MACROD2: variants seen among roughly 807,000 people sequenced by gnomAD.
MACROD2 encodes ADP-ribose glycohydrolase MACROD2.
Under a neutral mutation model 70.4 loss-of-function variants are expected in MACROD2, and 36 were observed. The ratio of observed to expected loss-of-function variants is 0.51; its 90% confidence interval spans 0.39 to 0.68. MACROD2 has a LOEUF of 0.68. MACROD2 is among the 30% of genes least tolerant of loss of function. The pLI, the probability that MACROD2 is intolerant of heterozygous loss-of-function variation, is 0.00. For synonymous variants in MACROD2, 172 were observed against 178.8 expected (o/e 0.96, Z 0.30); for missense variants, 496 against 538.4 (o/e 0.92, Z 0.78).
At chr20:15,998,269 A>G (rs1287205825) in intron 15 of MACROD2, among the ~76,000 whole-genome samples, 1 of 152,192 alleles carries the variant, frequency 6.6e-6, no homozygotes, top group African/African-American at 2.4e-5. Context: ...ATTCTTCTTT[A>G]AATGTTTGGT....
At chr20:16,005,260 C>T (rs1185077054) in intron 15 of MACROD2, among the ~76,000 whole-genome samples, 1 of 152,176 alleles carries the variant, frequency 6.6e-6, no homozygotes, top group Non-Finnish European at 1.5e-5. Flanking sequence ...TTTAGCAGCC[C>T]TTATCTGATT....
chr20:14,197,489 C>A (rs999619255), intron 3 of MACROD2, among the ~76,000 whole-genome samples: 1 of 152,228 alleles, frequency 6.6e-6, no homozygotes, highest in African/African-American at 2.4e-5. Flanking sequence ...GTAAAAGAAA[C>A]TGGCATGGTT....
chr20:14,345,678 C>A (rs780288447), intron 3 of MACROD2, among the ~76,000 whole-genome samples: 1 of 152,006 alleles, frequency 6.6e-6, no homozygotes, highest in Admixed American at 6.6e-5. Context: ...GATCTGCCAG[C>A]GTTGGCCTCC....
chr20:14,292,580 G>T (rs1280160089), intron 3 of MACROD2, among the ~76,000 whole-genome samples: 1 of 151,908 alleles, frequency 6.6e-6, no homozygotes, highest in African/African-American at 2.4e-5. Flanking sequence ...CCATTCTTAA[G>T]TATTGACCAG....
chr20:14,077,231 C>T (rs915930526), intron 2 of MACROD2, among the ~76,000 whole-genome samples: 2 of 152,098 alleles, frequency 1.3e-5, no homozygotes, highest in Admixed American at 6.6e-5. Flanking sequence ...GACTGAAATA[C>T]TAATGCTAAA....
At chr20:15,093,781 C>G (rs1007210913) in intron 5 of MACROD2, among the ~76,000 whole-genome samples, 1 of 152,072 alleles carries the variant, frequency 6.6e-6, no homozygotes, top group Admixed American at 6.5e-5. Context: ...CCACAGAACC[C>G]CTTTTGTGTG....
At chr20:14,267,668 A>T (rs1215665736) in intron 3 of MACROD2, among the ~76,000 whole-genome samples, 1 of 152,014 alleles carries the variant, frequency 6.6e-6, no homozygotes, top group Admixed American at 6.6e-5. Context: ...CCATGTGTCT[A>T]CTCTCATTTC....
Position 14,076,667 on chromosome 20 carries a change from A to G in MACROD2, c.164-8954A>G, listed in dbSNP as rs963252093. On this transcript the variant is annotated intron_variant, in intron 2 of 17. Coordinates refer to ENST00000684519, the MANE Select transcript of MACROD2 (RefSeq NM_001351661.2). The stretch of plus-strand genomic sequence containing the variant: ...GCACTCCAGCTTGGGTGACAGAGCG[A>G]GACCTTGCCCCCTCACCTTCCACCC... Among the ~76,000 whole-genome samples the G allele has an allele frequency of 7.9e-5, 12 of 152,248 alleles. 1 individual carries two copies. In the East Asian group the frequency reaches 2.3e-3, roughly 29 times the overall value.
chr20:14,418,848 C>G lies in MACROD2; in HGVS notation c.272-74631C>G, dbSNP rs2225681. ...GTGAGGTCCAACTTTCATTTTGATT[C>G]CATTATTTATTTGAACGCTCCCTTC... On this transcript the variant is annotated intron_variant, in intron 3 of 17. Transcript: ENST00000684519. 4.6e-3 allele frequency among the ~76,000 whole-genome samples: 707 copies of G among 152,202 alleles called. 18 individuals carry two copies. Among genetic ancestry groups the G allele is most frequent in the Admixed American group, 0.041 (630 of 15,278 alleles).
At chr20:14,716,926 T>C (rs2071403321) in intron 5 of MACROD2, among the ~76,000 whole-genome samples, 1 of 152,208 alleles carries the variant, frequency 6.6e-6, no homozygotes, top group South Asian at 2.1e-4. Context: ...CCTTTTCATT[T>C]TGCTTTCTGA....
intron 5 of MACROD2, among the ~76,000 whole-genome samples, chr20:14,721,812 C>A (rs1039056967): frequency 1.3e-5 from 2 of 152,180 alleles, no homozygotes; most frequent in African/African-American, 4.8e-5. Context: ...ACAATTTCAA[C>A]CAAGATAGGC....
At chr20:14,678,080 G>A (rs562265781) in intron 4 of MACROD2, among the ~76,000 whole-genome samples, 1 of 152,264 alleles carries the variant, frequency 6.6e-6, no homozygotes, top group Non-Finnish European at 1.5e-5. Flanking sequence ...GGAAGTGGGA[G>A]TGGAGCTGTG....
intron 5 of MACROD2, among the ~76,000 whole-genome samples, chr20:15,018,872 A>G (rs1311059803): frequency 2.0e-5 from 3 of 152,188 alleles, no homozygotes; most frequent in Admixed American, 1.3e-4. Context: ...CTCAGTATTA[A>G]CCATCACACC....
chr20:14,572,301 A>G (rs2123321759), intron 4 of MACROD2, among the ~76,000 whole-genome samples: 1 of 152,238 alleles, frequency 6.6e-6, no homozygotes, highest in African/African-American at 2.4e-5. Context: ...TACAGCCTGG[A>G]GCAATTAGGA....
Position 15,375,092 on chromosome 20 carries a change from T to C in MACROD2, c.541-56313T>C, listed in dbSNP as rs185908787. On this transcript the variant is annotated intron_variant, in intron 6 of 17. Coordinates refer to ENST00000684519, the MANE Select transcript of MACROD2 (RefSeq NM_001351661.2). ...GCAAAATATTGCCAGTCTTCTGTTA[T>C]TCAAGTAAATGTTTCAACTGTCTAT... is the stretch of plus-strand genomic sequence containing the variant. Among the ~76,000 whole-genome samples the C allele has an allele frequency of 8.0e-4, 122 of 152,354 alleles. 1 individual carries two copies. Among genetic ancestry groups the C allele is most frequent in the Non-Finnish European group, 1.5e-3 (102 of 68,030 alleles).
chr20:14,552,097 G>A (rs1378892829), intron 4 of MACROD2, among the ~76,000 whole-genome samples: 3 of 151,648 alleles, frequency 2.0e-5, no homozygotes, highest in Non-Finnish European at 4.4e-5. Flanking sequence ...TCCTCAGGGA[G>A]ATCAGAAAGC....
chr20:14,400,147 G>T (rs1407656918), intron 3 of MACROD2, among the ~76,000 whole-genome samples: 4 of 151,892 alleles, frequency 2.6e-5, no homozygotes, highest in Non-Finnish European at 5.9e-5. Context: ...TATAATATTG[G>T]GTGCTAAATA....
intron 2 of MACROD2, among the ~76,000 whole-genome samples, chr20:14,085,027 G>C (rs1454436824): frequency 6.8e-6 from 1 of 146,456 alleles, no homozygotes; most frequent in African/African-American, 2.5e-5. Context: ...ACTTGGTTGG[G>C]GGGTGGGGGG....
rs1568841294 is a variant in MACROD2 at position 14,862,606 on chromosome 20, A to AATATATATAT, written c.418+177656_418+177657insTATATATATA. On this transcript the variant is annotated intron_variant, in intron 5 of 17. Transcript: ENST00000684519. ...ATGTATAAATATATATATAAATATA[A>AATATATATAT]ATATATATAAATATATATATATAAA... is the stretch of plus-strand genomic sequence containing the variant. 3.3e-4 allele frequency among the ~76,000 whole-genome samples: 9 copies of AATATATATAT among 27,190 alleles called. 1 individual carries two copies. Among genetic ancestry groups the AATATATATAT allele is most frequent in the Admixed American group, 1.6e-3 (2 of 1,246 alleles). The allele number at this position is 27,190 out of a possible 152,430, so 17.8% of individuals were successfully genotyped here. A position where few individuals can be genotyped will look rare whatever the true frequency, so the allele number is the denominator to read the frequency against.
Sources: gnomAD v4.1 joint callset for allele counts (sites outside exome capture counted in the v4.1 genomes callset) on GRCh38, gnomAD v4.1.1 for gene constraint, MANE v1.5 for transcripts, NCBI Gene and HGNC (gene_info 2026-07-23, HGNC 2026-07-21) for gene names.